Variants in MICAL3 observed in about 807,000 individuals in gnomAD.
MICAL3 encodes microtubule associated monooxygenase, calponin and LIM domain containing 3.
Under a neutral mutation model 207.4 loss-of-function variants are expected in MICAL3, and 62 were observed. The observed-to-expected ratio is 0.30, with a 90% CI of 0.24 to 0.37. The LOEUF (loss-of-function observed/expected upper bound fraction) is 0.37, where lower values mean the gene tolerates loss of function less well. Ranked by LOEUF, MICAL3 falls within the 10% of genes least tolerant of loss-of-function variation. The probability of loss-of-function intolerance (pLI) is 1.00; values close to 1 mark genes in which losing one functional copy is unlikely to be tolerated. For missense variants in MICAL3, 2,368 were observed against 2,635.6 expected, an observed-to-expected ratio of 0.90 and a Z score of 2.22; for synonymous variants, 1,077 against 1,069.3, an observed-to-expected ratio of 1.01 and a Z score of -0.14.
At chr22:17,995,255 C>G (rs995965799) in intron 1 of MICAL3, among the ~76,000 whole-genome samples, 1 of 152,160 alleles carries the variant, frequency 6.6e-6, no homozygotes, top group Non-Finnish European at 1.5e-5. Context: ...TAGCTCACTG[C>G]AGCCTCAAAC....
chr22:17,825,667 T>C (rs1380970317), intron 22 of MICAL3, among the ~76,000 whole-genome samples: 1 of 152,236 alleles, frequency 6.6e-6, no homozygotes, highest in Non-Finnish European at 1.5e-5. Context: ...AGTGGTGCTG[T>C]TGGCGATAAC....
chr22:17,806,415 T>C (rs2061990035), intron 29 of MICAL3, among the ~76,000 whole-genome samples: 1 of 146,170 alleles, frequency 6.8e-6, no homozygotes, highest in African/African-American at 2.6e-5. Context: ...TCATGAGGAA[T>C]AGGAACTGCT....
chr22:17,925,842 A>G (rs1200984138), intron 1 of MICAL3, among the ~76,000 whole-genome samples: 3 of 152,244 alleles, frequency 2.0e-5, no homozygotes, highest in Admixed American at 2.0e-4. Flanking sequence ...AACACGTTTC[A>G]GTTAAATCCT....
intron 1 of MICAL3, among the ~76,000 whole-genome samples, chr22:17,942,864 C>A (rs919603147): frequency 6.6e-6 from 1 of 152,226 alleles, no homozygotes; most frequent in Non-Finnish European, 1.5e-5. Flanking sequence ...CCCAGCTGCA[C>A]GACCGTCCTC....
chr22:17,969,165 G>A (rs1046111496), intron 1 of MICAL3, among the ~76,000 whole-genome samples: 3 of 152,034 alleles, frequency 2.0e-5, no homozygotes, highest in Middle Eastern at 3.2e-3. Context: ...TCAGCCTCCC[G>A]AGTAGCTGGG....
intron 8 of MICAL3, 47 bp downstream of exon 8, chr22:17,896,676 TA>T: frequency 6.3e-7 from 1 of 1,587,162 alleles, no homozygotes; most frequent in South Asian, 1.1e-5. Flanking sequence ...GATTCACTCC[TA>T]ATTATTCCTG....
intron 1 of MICAL3, among the ~76,000 whole-genome samples, chr22:17,922,656 C>T (rs748450388): frequency 1.4e-4 from 21 of 152,058 alleles, no homozygotes; most frequent in Admixed American, 5.9e-4. Context: ...TGGCTCGGGA[C>T]GAAAGAAAAC....
At chr22:17,994,153 CCT>C (rs1922013554) in intron 1 of MICAL3, among the ~76,000 whole-genome samples, 1 of 152,144 alleles carries the variant, frequency 6.6e-6, no homozygotes, top group Non-Finnish European at 1.5e-5. Context: ...CTCTCCCACC[CCT>C]GTCCCTGTCC....
chr22:17,824,185 C>T (rs1173771484), intron 22 of MICAL3, among the ~76,000 whole-genome samples: 1 of 152,216 alleles, frequency 6.6e-6, no homozygotes, highest in Non-Finnish European at 1.5e-5. Flanking sequence ...CACCTGAGAC[C>T]CACAGGACCA....
chr22:17,961,910 C>T (rs1237110777), intron 1 of MICAL3, among the ~76,000 whole-genome samples: 1 of 152,200 alleles, frequency 6.6e-6, no homozygotes, highest in Admixed American at 6.5e-5. Flanking sequence ...TGTGCAGTAT[C>T]ACAAGATCAG....
rs114157110 is a variant in MICAL3 at position 17,912,922 on chromosome 22, T to C, written c.-74-6036A>G. ...TGTTCCTGATCATACGAGGAAAAGC[T>C]TTCTGTCTCTCACTGTTGAACATAA... On this transcript the variant is annotated intron_variant, in intron 1 of 31. Transcript: ENST00000441493. 4.4e-3 allele frequency among the ~76,000 whole-genome samples: 666 copies of C among 152,360 alleles called. 2 individuals carry two copies. The highest frequency in any genetic ancestry group is 0.015 in the African/African-American group (634 of 41,592).
At chr22:17,816,182 G>T (rs961270924) in intron 27 of MICAL3, among the ~76,000 whole-genome samples, 3 of 152,236 alleles carry the variant, frequency 2.0e-5, no homozygotes, top group Non-Finnish European at 4.4e-5. Context: ...GAGGGGCTGA[G>T]TCAGACCTAG....
intron 1 of MICAL3, among the ~76,000 whole-genome samples, chr22:17,959,173 G>A (rs1371504770): frequency 4.6e-5 from 7 of 151,188 alleles, no homozygotes; most frequent in East Asian, 3.9e-4. Context: ...CCACCACCAC[G>A]CCCGGCTAAT....
intron 1 of MICAL3, among the ~76,000 whole-genome samples, chr22:17,952,171 T>A (rs530027022): frequency 6.6e-6 from 1 of 152,204 alleles, no homozygotes; most frequent in Non-Finnish European, 1.5e-5. Context: ...TCCTTTTCTG[T>A]ACAAAGACAG....
chr22:17,925,950 T>A (rs2146306600), intron 1 of MICAL3, among the ~76,000 whole-genome samples: 1 of 152,160 alleles, frequency 6.6e-6, no homozygotes, highest in Admixed American at 6.5e-5. Context: ...ATTTTCTAAA[T>A]CACTGATCAA....
intron 21 of MICAL3, among the ~76,000 whole-genome samples, chr22:17,829,713 TA>T (rs1405587965): frequency 6.6e-6 from 1 of 152,172 alleles, no homozygotes; most frequent in Non-Finnish European, 1.5e-5. Flanking sequence ...AGAGAAACAT[TA>T]AAGGCACCTG....
intron 16 of MICAL3, among the ~76,000 whole-genome samples, chr22:17,877,207 T>G (rs199533534): frequency 0.25 from 2,338 of 9,456 alleles, 30 homozygotes; most frequent in East Asian, 0.36. Context: ...AGGGAGGTTA[T>G]GGAGGTTATG....
intron 19 of MICAL3, chr22:17,863,060 G>T: frequency 1.0e-6 from 1 of 985,302 alleles, no homozygotes; most frequent in Non-Finnish European, 1.2e-6. Context: ...TCCCCACTAT[G>T]TAGAACATTC....
intron 19 of MICAL3, chr22:17,864,595 G>A (rs1602085711): frequency 6.6e-7 from 1 of 1,504,014 alleles, no homozygotes; most frequent in African/African-American, 1.4e-5. Flanking sequence ...AGGTGTGATG[G>A]TGCGGGACGG....
Sources: allele counts gnomAD v4.1 joint callset (sites outside exome capture counted in the v4.1 genomes callset), GRCh38; gene constraint gnomAD v4.1.1; transcripts MANE v1.5; gene names NCBI Gene and HGNC (gene_info 2026-07-23, HGNC 2026-07-21).